The following TBX19 variants were observed in gnomAD, a reference collection of about 807,000 sequenced individuals.
TBX19 encodes T-box transcription factor TBX19.
Under a neutral mutation model 40.9 loss-of-function variants are expected in TBX19, and 33 were observed. The observed-to-expected ratio is 0.81, with a 90% CI of 0.61 to 1.08. TBX19 has a LOEUF of 1.08. Ranked by LOEUF, TBX19 falls within the 50% of genes least tolerant of loss-of-function variation. The pLI is 0.00. For missense variants in TBX19, 494 were observed against 574.0 expected (o/e 0.86, Z 1.42); for synonymous variants, 220 against 225.0 (o/e 0.98, Z 0.20).
intron 2 of TBX19, 127 bp downstream of exon 2, chr1:168,291,551 T>G (rs1411344731): frequency 2.4e-5 from 32 of 1,346,544 alleles, no homozygotes; most frequent in Non-Finnish European, 3.3e-5. Context: ...CAGAAGCCAA[T>G]TATTCCCGGG....
chr1:168,296,429 A>C (rs1342918351), intron 3 of TBX19, among the ~76,000 whole-genome samples: 2 of 152,196 alleles, frequency 1.3e-5, no homozygotes, highest in Non-Finnish European at 2.9e-5. Flanking sequence ...GGTGGAAGGC[A>C]AAAGACACAT....
intron 4 of TBX19, 52 bp downstream of exon 4, chr1:168,297,837 C>T (rs746443767): frequency 1.4e-6 from 2 of 1,435,008 alleles, no homozygotes; most frequent in African/African-American, 2.8e-5. Context: ...TATGCAAATA[C>T]AAATGTGGAA....
At position 168,302,234 on chromosome 1, in the gene TBX19, G is replaced by A. The variant is rs1028324642; in HGVS notation, c.727+1751G>A. Among the ~76,000 whole-genome samples, 5 of 152,316 alleles carry A rather than the reference G, an allele frequency of 3.3e-5. 1 individual carries two copies. In the South Asian group the frequency reaches 1.0e-3, roughly 32 times the overall value. Reference sequence around the variant, plus strand: ...ATCTTGATTCTGTTAGTCAGATGGGGACCCCTTGGGCCATAAGTTTGTGCA... The same window carrying A: ...ATCTTGATTCTGTTAGTCAGATGGGAACCCCTTGGGCCATAAGTTTGTGCA... On this transcript the variant is annotated intron_variant, in intron 5 of 7. Transcript: ENST00000367821.
At chr1:168,297,887 T>C (rs532583890) in intron 4 of TBX19, 102 bp downstream of exon 4, 2 of 1,038,532 alleles carry the variant, frequency 1.9e-6, no homozygotes, top group East Asian at 5.2e-5. Context: ...AGTAGCACTT[T>C]CATTACCTTT....
chr1:168,299,581 T>C (rs1280187599), intron 4 of TBX19, among the ~76,000 whole-genome samples: 3 of 151,776 alleles, frequency 2.0e-5, no homozygotes, highest in Non-Finnish European at 4.4e-5. Context: ...GCTCAAGCTA[T>C]CCTCCTGCTT....
chr1:168,302,138 T>C (rs1649290766), intron 5 of TBX19, among the ~76,000 whole-genome samples: 1 of 152,172 alleles, frequency 6.6e-6, no homozygotes, highest in African/African-American at 2.4e-5. Flanking sequence ...CTTCTTGAGG[T>C]GTGTACATTA....
chr1:168,304,241 T>C (rs1425207552), intron 5 of TBX19, among the ~76,000 whole-genome samples: 6 of 152,230 alleles, frequency 3.9e-5, no homozygotes, highest in African/African-American at 1.4e-4. Context: ...TAGGTTAGGT[T>C]ACCTTTTTCA....
chr1:168,293,355 TG>T, intron 3 of TBX19, 77 bp downstream of exon 3: 1 of 1,421,906 alleles, frequency 7.0e-7, no homozygotes, highest in Non-Finnish European at 9.3e-7. Flanking sequence ...CATGGCAGGA[TG>T]GGCGGGGGGG....
chr1:168,293,412 A>T, intron 3 of TBX19, 134 bp downstream of exon 3: 1 of 1,188,328 alleles, frequency 8.4e-7, no homozygotes, highest in Non-Finnish European at 1.2e-6. Context: ...GGATACACTC[A>T]GCAGACATGA....
In TBX19 at chr1:168,297,022, GCA is replaced by G. The variant is rs528283766; in HGVS notation, c.604-700_604-699del. Among the ~76,000 whole-genome samples the G allele has an allele frequency of 2.0e-5, 3 of 152,120 alleles. No homozygotes were observed. The South Asian group carries it at 6.2e-4, about 32-fold the overall frequency. ...AACAGATGAATACCCTGTCTTCAAG[GCA>G]CTTACATCCCAGTGGGGAGAGATGA... On this transcript the variant is annotated intron_variant, in intron 3 of 7. Transcript: ENST00000367821.
chr1:168,310,376 TA>T (rs1649492614), intron 7 of TBX19, among the ~76,000 whole-genome samples: 1 of 151,840 alleles, frequency 6.6e-6, no homozygotes, highest in Non-Finnish European at 1.5e-5. Flanking sequence ...TAGGAAAGGT[TA>T]GGAGAATGTA....
intron 3 of TBX19, among the ~76,000 whole-genome samples, chr1:168,295,947 C>G (rs1380533222): frequency 3.9e-5 from 6 of 152,186 alleles, no homozygotes; most frequent in African/African-American, 1.4e-4. Flanking sequence ...CTTTGAACCA[C>G]CTGACTGGTC....
intron 1 of TBX19, among the ~76,000 whole-genome samples, chr1:168,281,668 C>G (rs1056129594): frequency 7.9e-5 from 12 of 152,210 alleles, no homozygotes; most frequent in Non-Finnish European, 1.8e-4. Context: ...AGGTGAAAGA[C>G]AACTTTATTT....
At chr1:168,298,824 T>TCCCTCCCTCCCTTTCC (rs1558192751) in intron 4 of TBX19, among the ~76,000 whole-genome samples, 1 of 13,342 alleles carries the variant, frequency 7.5e-5, no homozygotes, top group African/African-American at 4.3e-4. Context: ...CCTCCCTTCC[T>TCCCTCCCTCCCTTTCC]TTCTTTCTTT....
intron 5 of TBX19, 38 bp downstream of exon 5, chr1:168,300,521 C>G: frequency 6.3e-7 from 1 of 1,596,532 alleles, no homozygotes; most frequent in Non-Finnish European, 8.6e-7. Flanking sequence ...GTGCGTGGGG[C>G]TGTACCTGGA....
chr1:168,303,149 G>A (rs966394724), intron 5 of TBX19, among the ~76,000 whole-genome samples: 1 of 151,956 alleles, frequency 6.6e-6, no homozygotes, highest in East Asian at 1.9e-4. Context: ...CCATTAACTC[G>A]TCATTTACAT....
At position 168,310,660 on chromosome 1, in the gene TBX19, T is replaced by TTA. The variant is rs949369102; in HGVS notation, c.1052+1796_1052+1797dup. Among the ~76,000 whole-genome samples the TTA allele has an allele frequency of 2.4e-3, 344 of 142,654 alleles. 4 individuals carry two copies. The highest frequency in any genetic ancestry group is 3.3e-3 in the East Asian group (17 of 5,120). 93.6% of individuals were successfully genotyped at this position (142,654 alleles called of 152,430 possible). A position where few individuals can be genotyped will look rare whatever the true frequency, so the allele number is the denominator to read the frequency against. ...AACAAAGAATAAAAATCCCAGTTTT[T>TTA]TATATATATATATAAAAAAATATAA... On this transcript the variant is annotated intron_variant, in intron 7 of 7. Coordinates refer to ENST00000367821, the MANE Select transcript of TBX19 (RefSeq NM_005149.3).
chr1:168,300,369 T>G, intron 4 of TBX19, 53 bp from the exon 5 acceptor site: 1 of 1,547,870 alleles, frequency 6.5e-7, no homozygotes, highest in Non-Finnish European at 8.9e-7. Flanking sequence ...TGCTTTATAG[T>G]GGACATACAT....
rs1649579517 is a variant in TBX19 at position 168,313,799 on chromosome 1, A to G, written c.*797A>G. The G allele has an allele frequency of 6.6e-6, 1 of 152,394 alleles. No individual in the cohort carries two copies. Among genetic ancestry groups the G allele is most frequent in the Non-Finnish European group, 1.5e-5 (1 of 68,214 alleles). The allele number at this position is 152,394 out of a possible 1,614,324, so 9.4% of individuals were successfully genotyped here. A position where few individuals can be genotyped will look rare whatever the true frequency, so the allele number is the denominator to read the frequency against. ...TAGCTGGGCATGGTGGCCTGTGCCT[A>G]TAGTCCCAACTACTTAGAGGAGGAT... On this transcript the variant is annotated 3_prime_UTR_variant, in exon 8 of 8. Transcript: ENST00000367821.
Sources: allele counts gnomAD v4.1 joint callset (sites outside exome capture counted in the v4.1 genomes callset), GRCh38; gene constraint gnomAD v4.1.1; transcripts MANE v1.5; gene names NCBI Gene and HGNC (gene_info 2026-07-23, HGNC 2026-07-21).